The following MUC5AC variants were observed in gnomAD, a reference collection of about 807,000 sequenced individuals.
MUC5AC encodes mucin-5AC.
Under a neutral mutation model 169.7 loss-of-function variants are expected in MUC5AC, and 158 were observed. The ratio of observed to expected loss-of-function variants is 0.93; its 90% CI spans 0.82 to 1.06. The LOEUF (loss-of-function observed/expected upper bound fraction) is 1.06, where lower values mean the gene tolerates loss of function less well. MUC5AC is among the 50% of genes least tolerant of loss of function. The pLI is 0.00. For missense variants in MUC5AC, 4,359 were observed against 3,089.9 expected, an observed-to-expected ratio of 1.41 and a Z score of -9.74; for synonymous variants, 1,975 against 1,237.0, an observed-to-expected ratio of 1.60 and a Z score of -12.52.
In MUC5AC at chr11:1,195,273, T is replaced by C; in HGVS notation, c.15452T>C (p.Leu5151Pro). 1 of 761,424 alleles carries C rather than the reference T, an allele frequency of 1.3e-6. No individual in the cohort carries two copies. Among genetic ancestry groups the C allele is most frequent in the South Asian group, 1.3e-5 (1 of 74,536 alleles). 47.2% of individuals were successfully genotyped at this position (761,424 alleles called of 1,614,324 possible). A position where few individuals can be genotyped will look rare whatever the true frequency, so the allele number is the denominator to read the frequency against. ...CLPSPICQLI[L>P]SKVFEPCHTV... ...CCATCACCCATCTGCCAGCTGATTC[T>C]GAGCAAGTGAGACTTGGGTGCAAGG... Residue 5151 changes from leucine (L) to proline (P), a missense_variant, in exon 36 of 49, where the codon CTG (leucine) becomes CCG (proline). By Grantham distance (98) the Leu-to-Pro change is moderately conservative (BLOSUM62 -3). Coordinates refer to ENST00000621226, the MANE Select transcript of MUC5AC (RefSeq NM_001304359.2).
chr11:1,161,725 G>C (rs910721060), intron 3 of MUC5AC, 139 bp downstream of exon 3: 2 of 1,289,590 alleles, frequency 1.6e-6, no homozygotes, highest in African/African-American at 3.0e-5. Flanking sequence ...AGAGGGCCCA[G>C]CATCTCCCTG....
Position 1,187,435 on chromosome 11 carries a change from C to T in MUC5AC, c.9290C>T (p.Thr3097Ile), listed in dbSNP as rs1860980722. ...AATTSTISAP[T>I]TSTTSAPTTS... ...ACAACCAGCACAATCTCGGCCCCAA[C>T]AACCAGCACAACGTCTGCTCCTACA... Residue 3097 changes from threonine to isoleucine, a missense_variant, in exon 31 of 49, where the codon ACA becomes ATA. Thr to Ile is a moderately conservative substitution (Grantham distance 89, BLOSUM62 -1). Coordinates refer to ENST00000621226, the MANE Select transcript of MUC5AC (RefSeq NM_001304359.2). 1 of 728,478 alleles carries T rather than the reference C, an allele frequency of 1.4e-6. No individual in the cohort carries two copies. The highest frequency in any genetic ancestry group is 1.9e-5 in the Admixed American group (1 of 52,948). The allele number at this position is 728,478 out of a possible 1,614,324, so 45.1% of individuals were successfully genotyped here.
At chr11:1,199,786 C>G (rs374064878) in intron 47 of MUC5AC, 22 bp downstream of exon 47, 1 of 720,622 alleles carries the variant, frequency 1.4e-6, no homozygotes, top group South Asian at 1.4e-5. Context: ...GCCTGCTGGG[C>G]GGGGCGGGCT....
At position 1,197,954 on chromosome 11, in the gene MUC5AC, G is replaced by A. The variant is rs771254814; in HGVS notation, c.16085G>A (p.Arg5362His). 43 of 736,778 alleles carry A rather than the reference G, an allele frequency of 5.8e-5. 1 individual carries two copies. The highest frequency in any genetic ancestry group is 3.7e-4 in the East Asian group (15 of 40,116). The allele number at this position is 736,778 out of a possible 1,614,324, so 45.6% of individuals were successfully genotyped here. A position where few individuals can be genotyped will look rare whatever the true frequency, so the allele number is the denominator to read the frequency against. Residue 5362 changes from arginine to histidine, a missense_variant, in exon 42 of 49, where the codon CGC (arginine) becomes CAC (histidine). Coordinates refer to ENST00000621226, the MANE Select transcript of MUC5AC (RefSeq NM_001304359.2). ...PAPVGCPEGA[R>H]AIPTYQEGAC... ...CCCGTGGGCTGTCCTGAGGGCGCCCGCGCGATCCCGACCTACCAGGAGGGG... is the reference window on the plus strand; with the variant it reads ...CCCGTGGGCTGTCCTGAGGGCGCCCACGCGATCCCGACCTACCAGGAGGGG...
At chr11:1,170,384 C>CT (rs1860468764) in intron 15 of MUC5AC, among the ~76,000 whole-genome samples, 1 of 145,322 alleles carries the variant, frequency 6.9e-6, no homozygotes. Flanking sequence ...CGCCCACTCA[C>CT]CCACTCACCC....
chr11:1,164,018 C>T (rs1313363004), intron 7 of MUC5AC, 27 bp downstream of exon 7: 2 of 1,608,934 alleles, frequency 1.2e-6, no homozygotes, highest in Non-Finnish European at 1.7e-6. Context: ...ACAGAGGGCC[C>T]AGCAGGTTGA....
chr11:1,187,215 C>A lies in MUC5AC; in HGVS notation c.9070C>A (p.Pro3024Thr), dbSNP rs1412161589. The A allele has an allele frequency of 7.1e-6, 5 of 699,590 alleles. No individual in the cohort carries two copies. Among genetic ancestry groups the A allele is most frequent in the Non-Finnish European group, 1.3e-5 (5 of 384,986 alleles). The allele number at this position is 699,590 out of a possible 1,614,324, so 43.3% of individuals were successfully genotyped here. Residue 3024 changes from proline (P) to threonine (T), a missense_variant, in exon 31 of 49, where the codon CCT becomes ACT. Transcript: ENST00000621226. ...CCCTACAACCAGCACAACCTTAGCTCCTACAACCAGCACAACCTCTGCCCC... is the reference window on the plus strand; with the variant it reads ...CCCTACAACCAGCACAACCTTAGCTACTACAACCAGCACAACCTCTGCCCC... The part of the protein sequence containing the change: ...SAPTTSTTLA[P>T]TTSTTSAPTT...
Position 1,185,686 on chromosome 11 carries a change from C to T in MUC5AC, c.7541C>T (p.Thr2514Ile), listed in dbSNP as rs1253726640. The T allele has an allele frequency of 8.1e-6, 6 of 743,412 alleles. No individual in the cohort carries two copies. The highest frequency in any genetic ancestry group is 4.2e-5 in the South Asian group (3 of 71,506). 46.1% of individuals were successfully genotyped at this position (743,412 alleles called of 1,614,324 possible). A position where few individuals can be genotyped will look rare whatever the true frequency, so the allele number is the denominator to read the frequency against. The change falls in exon 31 of 49, where the codon ACC (threonine) becomes ATC (isoleucine). Residue 2514 changes from threonine (T) to isoleucine (I), a missense_variant. Coordinates refer to ENST00000621226, the MANE Select transcript of MUC5AC (RefSeq NM_001304359.2). Reference protein sequence around the residue: ...PTTSTTSAPTTSTTSASTTST... With the variant: ...PTTSTTSAPTISTTSASTTST... ...ACCAGCACAACCTCTGCTCCTACAA[C>T]CAGCACAACCTCTGCTTCTACAACC...
rs1156850736 is a variant in MUC5AC, at chr11:1,199,729, G to A, written c.16550G>A (p.Arg5517His). 10 of 711,288 alleles carry A rather than the reference G, an allele frequency of 1.4e-5. No homozygotes were observed. The highest frequency in any genetic ancestry group is 7.8e-5 in the Admixed American group (4 of 50,990). 44.1% of individuals were successfully genotyped at this position (711,288 alleles called of 1,614,324 possible). A position where few individuals can be genotyped will look rare whatever the true frequency, so the allele number is the denominator to read the frequency against. The change falls in exon 47 of 49, where the codon CGC becomes CAC. Residue 5517 changes from arginine to histidine, a missense_variant. Arg to His is a conservative substitution (Grantham distance 29). Coordinates refer to ENST00000621226, the MANE Select transcript of MUC5AC (RefSeq NM_001304359.2). ...CGCATGAGCAAGGACGGCTGCTGCC[G>A]CTTCTGCCCGCCGCCCCCGCCCCCG... ...EARMSKDGCC[R>H]FCPPPPPPYQ...
In MUC5AC at chr11:1,192,890, A is replaced by T; in HGVS notation, c.14488A>T (p.Thr4830Ser). Residue 4830 changes from threonine to serine, a missense_variant, in exon 32 of 49, where the codon ACG (threonine) becomes TCG (serine). Thr to Ser is a moderately conservative substitution (Grantham distance 58, BLOSUM62 1). Transcript: ENST00000621226. ...RGVDSDCPST[T>S]LPPAPATSPS... is the part of the protein sequence containing the mutation. ...GGTTGACAGTGACTGTCCGTCCACCACGCTGCCTCCTGCCCCAGCCACGTC... is the reference window on the plus strand; with the variant it reads ...GGTTGACAGTGACTGTCCGTCCACCTCGCTGCCTCCTGCCCCAGCCACGTC... 2 of 764,342 alleles carry T rather than the reference A, an allele frequency of 2.6e-6. No individual in the cohort carries two copies. Among genetic ancestry groups the T allele is most frequent in the Non-Finnish European group, 4.8e-6 (2 of 417,576 alleles). The allele number at this position is 764,342 out of a possible 1,614,324, so 47.3% of individuals were successfully genotyped here.
Position 1,191,902 on chromosome 11 carries a change from C to T in MUC5AC, c.13757C>T (p.Thr4586Ile), listed in dbSNP as rs779912363. ...ACCTCTGCTCCTACAACCAGCACGA[C>T]CTCTGGTCCTGGAACTACTCCCAGC... Reference protein sequence around the residue: ...STTSAPTTSTTSGPGTTPSPV... With the variant: ...STTSAPTTSTISGPGTTPSPV... The change falls in exon 31 of 49, where the codon ACC becomes ATC. Residue 4586 changes from threonine to isoleucine, a missense_variant. Thr to Ile is a moderately conservative substitution (Grantham distance 89). Transcript: ENST00000621226. 9.2e-6 allele frequency: 7 copies of T among 764,874 alleles called. No individual in the cohort carries two copies. The highest frequency in any genetic ancestry group is 1.7e-5 in the Admixed American group (1 of 59,012). The allele number at this position is 764,874 out of a possible 1,614,324, so 47.4% of individuals were successfully genotyped here. A position where few individuals can be genotyped will look rare whatever the true frequency, so the allele number is the denominator to read the frequency against.
Position 1,185,693 on chromosome 11 carries a change from A to G in MUC5AC, c.7548A>G (p.Thr2516=), listed in dbSNP as rs1205528558. ...CAACCTCTGCTCCTACAACCAGCACAACCTCTGCTTCTACAACCAGCACAA... is the reference window on the plus strand; with the variant it reads ...CAACCTCTGCTCCTACAACCAGCACGACCTCTGCTTCTACAACCAGCACAA... ...TSTTSAPTTS[T]TSASTTSTTS... Residue 2516 remains threonine, a synonymous_variant, in exon 31 of 49, where the codon ACA becomes ACG. Transcript: ENST00000621226. The G allele has an allele frequency of 1.3e-6, 1 of 742,254 alleles. No homozygotes were observed. Among genetic ancestry groups the G allele is most frequent in the Non-Finnish European group, 2.5e-6 (1 of 406,766 alleles). 46.0% of individuals were successfully genotyped at this position (742,254 alleles called of 1,614,324 possible). A position where few individuals can be genotyped will look rare whatever the true frequency, so the allele number is the denominator to read the frequency against.
Position 1,187,004 on chromosome 11 carries a change from C to A in MUC5AC, c.8859C>A (p.Thr2953=), listed in dbSNP as rs1860967000. Residue 2953 remains threonine, a synonymous_variant, in exon 31 of 49, where the codon ACC becomes ACA. Transcript: ENST00000621226. The stretch of plus-strand genomic sequence containing the variant: ...GAACTACTCCCAGCCCTGTTCCTAC[C>A]ACCAGCACAATCTCTGTTCCTACCA... ...VPGTTPSPVP[T]TSTISVPTTS... is the part of the protein sequence containing the mutation. The A allele has an allele frequency of 2.7e-6, 2 of 738,800 alleles. No individual in the cohort carries two copies. The highest frequency in any genetic ancestry group is 5.0e-5 in the East Asian group (2 of 40,116). 45.8% of individuals were successfully genotyped at this position (738,800 alleles called of 1,614,324 possible). A position where few individuals can be genotyped will look rare whatever the true frequency, so the allele number is the denominator to read the frequency against.
At chr11:1,163,731 A>G (rs1002966156) in intron 6 of MUC5AC, 151 bp from the exon 7 acceptor site, 1 of 645,780 alleles carries the variant, frequency 1.5e-6, no homozygotes, top group African/African-American at 1.8e-5. Flanking sequence ...GGGTGCAGTC[A>G]GGACAACTCA....
rs767358818 is a variant in MUC5AC, at chr11:1,165,656, G to T, written c.1282G>T (p.Val428Phe). Residue 428 changes from valine (V) to phenylalanine (F), a missense_variant, in exon 11 of 49, where the codon GTT (valine) becomes TTT (phenylalanine). Transcript: ENST00000621226. ...CGGAGGCCGGTGGAGCTGCCAGGAG[G>T]TTCCATGCCCGGGTACCTGCTCTGT... ...CSGGRWSCQE[V>F]PCPGTCSVLG... 16 of 1,612,294 alleles carry T rather than the reference G, an allele frequency of 9.9e-6. No homozygotes were observed. The highest frequency in any genetic ancestry group is 2.2e-5 in the East Asian group (1 of 44,900).
At position 1,198,926 on chromosome 11, in the gene MUC5AC, C is replaced by T. The variant is rs547420224; in HGVS notation, c.16226C>T (p.Pro5409Leu). Reference sequence around the variant, plus strand: ...TGCGAAACCTGCAGGTGTGAGCTGCCGGGTGGCCCCCCATCGGACGCGTTT... The same window carrying T: ...TGCGAAACCTGCAGGTGTGAGCTGCTGGGTGGCCCCCCATCGGACGCGTTT... ...SLCETCRCELPGGPPSDAFVV... is the reference protein window; with the variant it reads ...SLCETCRCELLGGPPSDAFVV... Residue 5409 changes from proline to leucine, a missense_variant, in exon 44 of 49, where the codon CCG becomes CTG. Pro to Leu is a moderately conservative substitution (Grantham distance 98). Transcript: ENST00000621226. 45 of 761,114 alleles carry T rather than the reference C, an allele frequency of 5.9e-5. No homozygotes were observed. The highest frequency in any genetic ancestry group is 5.6e-4 in the African/African-American group (33 of 59,034). 47.1% of individuals were successfully genotyped at this position (761,114 alleles called of 1,614,324 possible).
chr11:1,162,466 C>A, intron 4 of MUC5AC, 66 bp from the exon 5 acceptor site: 2 of 1,409,774 alleles, frequency 1.4e-6, no homozygotes, highest in Non-Finnish European at 2.0e-6. Flanking sequence ...CGACCGCAGG[C>A]ATCTGCCCTG....
In MUC5AC at chr11:1,164,282, G is replaced by A; in HGVS notation, c.966G>A (p.Gly322=). ...AEYSRQCTHA[G]GLPQDWRGPD... ...ACTCCCGGCAGTGCACCCATGCAGG[G>A]GGGTTGCCCCAGGACTGGCGGGGCC... Residue 322 remains glycine, a synonymous_variant, in exon 8 of 49, where the codon GGG becomes GGA. Coordinates refer to ENST00000621226, the MANE Select transcript of MUC5AC (RefSeq NM_001304359.2). 2 of 1,612,534 alleles carry A rather than the reference G, an allele frequency of 1.2e-6. No homozygotes were observed. Among genetic ancestry groups the A allele is most frequent in the South Asian group, 1.1e-5 (1 of 91,090 alleles).
Position 1,190,919 on chromosome 11 carries a change from C to T in MUC5AC, c.12774C>T (p.Ser4258=). 2 of 738,286 alleles carry T rather than the reference C, an allele frequency of 2.7e-6. No individual in the cohort carries two copies. Among genetic ancestry groups the T allele is most frequent in the South Asian group, 1.4e-5 (1 of 71,052 alleles). The allele number at this position is 738,286 out of a possible 1,614,324, so 45.7% of individuals were successfully genotyped here. Residue 4258 remains serine (S), a synonymous_variant, in exon 31 of 49, where the codon AGC becomes AGT. Transcript: ENST00000621226. ...STTSGPGTTP[S]PVPSTSTTSA... is the part of the protein sequence containing the mutation. The stretch of plus-strand genomic sequence containing the variant: ...CCTCTGGTCCTGGAACTACTCCAAG[C>T]CCTGTTCCCAGCACCAGTACAACCT...
Sources: allele counts gnomAD v4.1 joint callset (sites outside exome capture counted in the v4.1 genomes callset), GRCh38; gene constraint gnomAD v4.1.1; transcripts MANE v1.5; gene names NCBI Gene and HGNC (gene_info 2026-07-23, HGNC 2026-07-21).